The following TEX2 variants were observed in gnomAD, a reference collection of about 807,000 sequenced individuals.
TEX2 encodes testis-expressed protein 2.
In TEX2, 53 loss-of-function variants were observed where a neutral mutation model predicts 106.9. That is an observed-to-expected ratio of 0.50 (90% CI 0.40 to 0.62). The LOEUF (loss-of-function observed/expected upper bound fraction) is 0.62. TEX2 is among the 20% of genes least tolerant of loss of function. TEX2 has a pLI of 0.00. For synonymous variants in TEX2, 523 were observed against 534.8 expected, an observed-to-expected ratio of 0.98 and a Z score of 0.30; for missense variants, 1,207 against 1,379.0, an observed-to-expected ratio of 0.88 and a Z score of 1.98.
chr17:64,213,786 T>G lies in TEX2; in HGVS notation c.432A>C (p.Leu144Phe). Residue 144 changes from leucine to phenylalanine, a missense_variant, in exon 2 of 12, where the codon TTA (leucine) becomes TTC (phenylalanine). This residue lies in a region of TEX2 where 1,067 missense variants were observed against 1,193.6 expected (regional missense o/e 0.89). Transcript: ENST00000584379. This position sits in a 1 kb window ranked among gnomAD's most constrained non-coding sequence, Gnocchi z 4.4. ...VSPGSSSSGP[L>F]ASSPSVSSLS... ...GGGATGACACACTGGGAGAGCTAGC[T>G]AAGGGCCCCGACGAAGACGACCCTG... 6.2e-7 allele frequency: 1 copy of G among 1,614,140 alleles called. No homozygotes were observed. The highest frequency in any genetic ancestry group is 8.5e-7 in the Non-Finnish European group (1 of 1,180,026).
In TEX2 at chr17:64,153,010, A is replaced by T. The variant is rs1359819304; in HGVS notation, c.3075T>A (p.Val1025=). The change falls in exon 10 of 12, where the codon GTT becomes GTA. Residue 1025 remains valine, a synonymous_variant. Coordinates refer to ENST00000584379, the MANE Select transcript of TEX2 (RefSeq NM_001288732.2). This position sits in a 1 kb window ranked among gnomAD's most constrained non-coding sequence, Gnocchi z 4.1. ...EVSNTPLLLT[V]EVQECRGTLA... Reference sequence around the variant, plus strand: ...AGGTTCCTCTACATTCTTGTACTTCAACAGTGAGCAGCAGGGGTGTGTTGG... The same window carrying T: ...AGGTTCCTCTACATTCTTGTACTTCTACAGTGAGCAGCAGGGGTGTGTTGG... 1 of 1,614,154 alleles carries T rather than the reference A, an allele frequency of 6.2e-7. No homozygotes were observed. Among genetic ancestry groups the T allele is most frequent in the Admixed American group, 1.7e-5 (1 of 60,016 alleles).
intron 1 of TEX2, among the ~76,000 whole-genome samples, chr17:64,228,929 T>TAC (rs57741930): frequency 0.046 from 6,719 of 146,586 alleles, 193 homozygotes; most frequent in African/African-American, 0.082. Flanking sequence ...GACTGACAGG[T>TAC]ACACACACAC....
At chr17:64,258,141 A>G (rs1435425726) in intron 1 of TEX2, among the ~76,000 whole-genome samples, 1 of 152,016 alleles carries the variant, frequency 6.6e-6, no homozygotes, top group African/African-American at 2.4e-5. Flanking sequence ...GGAACTCCTG[A>G]GCTCAGGCAA....
chr17:64,249,896 T>C (rs1316483823), intron 1 of TEX2, among the ~76,000 whole-genome samples: 10 of 152,194 alleles, frequency 6.6e-5, no homozygotes, highest in African/African-American at 2.4e-4. Flanking sequence ...AAAAAATTAA[T>C]GTTCCTGCTT....
At chr17:64,223,964 A>G (rs565369367) in intron 1 of TEX2, among the ~76,000 whole-genome samples, 1 of 152,194 alleles carries the variant, frequency 6.6e-6, no homozygotes, top group Non-Finnish European at 1.5e-5. Context: ...TGAAGGGGCA[A>G]GCCTGGTGTC....
intron 5 of TEX2, among the ~76,000 whole-genome samples, chr17:64,179,517 C>T (rs1315145427): frequency 6.6e-6 from 1 of 152,148 alleles, no homozygotes; most frequent in Admixed American, 6.5e-5. Flanking sequence ...TCTTTGGGTC[C>T]GTGCCACCTT....
chr17:64,254,048 A>ATCTTACTT (rs1370847325), intron 1 of TEX2, among the ~76,000 whole-genome samples: 6 of 152,186 alleles, frequency 3.9e-5, no homozygotes, highest in Non-Finnish European at 8.8e-5. Flanking sequence ...GCTGGGGCTC[A>ATCTTACTT]TCTTACCTTC....
chr17:64,195,218 C>A lies in TEX2; in HGVS notation c.1645-123G>T. On this transcript the variant is annotated intron_variant, in intron 2 of 11. Coordinates refer to ENST00000584379, the MANE Select transcript of TEX2 (RefSeq NM_001288732.2). This position sits in a 1 kb window ranked among gnomAD's most constrained non-coding sequence, Gnocchi z 4.1. Reference sequence around the variant, plus strand: ...AACTTGATCACGACACAGATATCAGCTCACCAATGACTACAGGTTGCAAAG... The same window carrying A: ...AACTTGATCACGACACAGATATCAGATCACCAATGACTACAGGTTGCAAAG... 1.2e-6 allele frequency: 1 copy of A among 854,206 alleles called. No homozygotes were observed. Among genetic ancestry groups the A allele is most frequent in the Non-Finnish European group, 1.9e-6 (1 of 534,768 alleles). 52.9% of individuals were successfully genotyped at this position (854,206 alleles called of 1,614,324 possible).
chr17:64,249,329 G>T (rs1024577135), intron 1 of TEX2, among the ~76,000 whole-genome samples: 7 of 152,140 alleles, frequency 4.6e-5, no homozygotes, highest in African/African-American at 1.4e-4. Flanking sequence ...ACACTCCACT[G>T]GAGCACTGTG....
At position 64,228,426 on chromosome 17, in the gene TEX2, C is replaced by T. The variant is rs532713151; in HGVS notation, c.-25-14184G>A. Among the ~76,000 whole-genome samples, 176 of 152,298 alleles carry T rather than the reference C, an allele frequency of 1.2e-3. 2 individuals are homozygous for T. Among genetic ancestry groups the T allele is most frequent in the Admixed American group, 0.011 (174 of 15,292 alleles). On this transcript the variant is annotated intron_variant, in intron 1 of 11. Transcript: ENST00000584379. The stretch of plus-strand genomic sequence containing the variant: ...TCAGTGGAAGCCCTGAGCTTGTTTT[C>T]CTGCAACTAGACAGTCCTATCTGGG...
At chr17:64,176,937 T>C (rs2031639373) in intron 6 of TEX2, among the ~76,000 whole-genome samples, 1 of 152,222 alleles carries the variant, frequency 6.6e-6, no homozygotes, top group Non-Finnish European at 1.5e-5. Flanking sequence ...TCAGAGGATA[T>C]ACCATGTGGC....
chr17:64,182,923 T>TA (rs35984731), intron 5 of TEX2, among the ~76,000 whole-genome samples: 48 of 150,978 alleles, frequency 3.2e-4, no homozygotes, highest in Middle Eastern at 3.4e-3. Context: ...TTTTTTTTTT[T>TA]AAAACAGAGT....
chr17:64,194,300 CAAGTT>C (rs1188097929), intron 3 of TEX2, among the ~76,000 whole-genome samples: 1 of 152,146 alleles, frequency 6.6e-6, no homozygotes, highest in Middle Eastern at 3.2e-3. Context: ...GTATCAAACT[CAAGTT>C]AAGAATAAAC....
intron 1 of TEX2, among the ~76,000 whole-genome samples, chr17:64,248,014 G>A (rs2034022951): frequency 6.6e-6 from 1 of 152,180 alleles, no homozygotes; most frequent in South Asian, 2.1e-4. Flanking sequence ...GACAGAGACA[G>A]CATGTGAAAT....
chr17:64,218,246 C>A (rs2177740), intron 1 of TEX2, among the ~76,000 whole-genome samples: 120,152 of 151,278 alleles, frequency 0.79, 48,005 homozygotes, highest in Middle Eastern at 0.89. Flanking sequence ...ACTCTGACTC[C>A]AGAAAAAAAA....
chr17:64,255,624 T>C (rs1409624351), intron 1 of TEX2: 2 of 152,218 alleles, frequency 1.3e-5, no homozygotes, highest in Non-Finnish European at 2.9e-5. Flanking sequence ...ACAAATTTGA[T>C]GAGGCCTCAC....
intron 7 of TEX2, 92 bp downstream of exon 7, chr17:64,171,008 C>T: frequency 9.8e-7 from 1 of 1,020,988 alleles, no homozygotes; most frequent in East Asian, 2.5e-5. Flanking sequence ...TTAAAAAGTC[C>T]TCAACACCCT....
rs2032317334 is a variant in TEX2, at chr17:64,191,903, A to G, written c.2176+1656T>C. ...TTAATTTGAATATATTTTTAACCCAATATATCTAAAATATTATTTCAACAT... is the reference window on the plus strand; with the variant it reads ...TTAATTTGAATATATTTTTAACCCAGTATATCTAAAATATTATTTCAACAT... On this transcript the variant is annotated intron_variant, in intron 4 of 11. Transcript: ENST00000584379. Among the ~76,000 whole-genome samples the G allele has an allele frequency of 3.3e-5, 5 of 152,216 alleles. No individual in the cohort carries two copies. In the South Asian group the frequency reaches 1.0e-3, roughly 31 times the overall value.
At chr17:64,246,566 T>C (rs1400990286) in intron 1 of TEX2, among the ~76,000 whole-genome samples, 2 of 152,138 alleles carry the variant, frequency 1.3e-5, no homozygotes, top group African/African-American at 4.8e-5. Flanking sequence ...TCTTAAATAT[T>C]GGGCTGCCCC....
Sources: gnomAD v4.1 joint callset for allele counts (sites outside exome capture counted in the v4.1 genomes callset) on GRCh38, gnomAD v4.1.1 for gene constraint, gnomAD v4.1.1 regional missense constraint, Gnocchi (gnomAD v3.1) non-coding constraint, MANE v1.5 for transcripts, NCBI Gene and HGNC (gene_info 2026-07-23, HGNC 2026-07-21) for gene names.